Variants in SNTG1 observed in about 807,000 individuals in gnomAD.
SNTG1 encodes the protein gamma-1-syntrophin.
In SNTG1, 39 loss-of-function variants were observed where a neutral mutation model predicts 74.7. The ratio of observed to expected loss-of-function variants is 0.52; its 90% confidence interval spans 0.40 to 0.68. The LOEUF (loss-of-function observed/expected upper bound fraction) is 0.68, where lower values mean the gene tolerates loss of function less well. SNTG1 is among the 30% of genes least tolerant of loss of function. The pLI is 0.00. For missense variants in SNTG1, 685 were observed against 609.5 expected (o/e 1.12, Z -1.30); for synonymous variants, 254 against 217.1 (o/e 1.17, Z -1.49).
chr8:50,426,295 A>G (rs879894431), intron 4 of SNTG1, among the ~76,000 whole-genome samples: 3 of 152,174 alleles, frequency 2.0e-5, no homozygotes, highest in Non-Finnish European at 4.4e-5. Flanking sequence ...TTCAGCAATA[A>G]TGATATTTGG....
At chr8:50,553,742 A>G (rs2094440194) in intron 12 of SNTG1, among the ~76,000 whole-genome samples, 1 of 152,082 alleles carries the variant, frequency 6.6e-6, no homozygotes, top group East Asian at 1.9e-4. Context: ...CTATCTTCTC[A>G]TTATTTTAAC....
At chr8:50,623,887 T>A (rs2094939771) in intron 13 of SNTG1, among the ~76,000 whole-genome samples, 1 of 151,802 alleles carries the variant, frequency 6.6e-6, no homozygotes, top group Admixed American at 6.6e-5. Flanking sequence ...TCTCTTTTTT[T>A]AAACTCTTAA....
At chr8:50,483,455 G>T (rs1221880375) in intron 8 of SNTG1, among the ~76,000 whole-genome samples, 3 of 151,868 alleles carry the variant, frequency 2.0e-5, no homozygotes, top group Admixed American at 6.6e-5. Flanking sequence ...TCTCTTGGTG[G>T]TACAGCTGTG....
intron 2 of SNTG1, among the ~76,000 whole-genome samples, chr8:50,301,033 A>G (rs1378672680): frequency 6.6e-6 from 1 of 152,134 alleles, no homozygotes; most frequent in Admixed American, 6.6e-5. Context: ...AAGCCTGTGT[A>G]GAATTATCTA....
intron 2 of SNTG1, among the ~76,000 whole-genome samples, chr8:50,368,840 C>T (rs1179022169): frequency 6.6e-6 from 1 of 152,136 alleles, no homozygotes; most frequent in Non-Finnish European, 1.5e-5. Flanking sequence ...TCATCACTTC[C>T]TTTTTTAATT....
At chr8:50,477,425 A>C (rs1359210032) in intron 8 of SNTG1, among the ~76,000 whole-genome samples, 2 of 152,184 alleles carry the variant, frequency 1.3e-5, no homozygotes, top group Non-Finnish European at 2.9e-5. Context: ...AAAATCAGAA[A>C]AAAATACAAT....
chr8:49,913,079 AT>A (rs1409026406), intron 1 of SNTG1, among the ~76,000 whole-genome samples: 1 of 152,242 alleles, frequency 6.6e-6, no homozygotes, highest in Non-Finnish European at 1.5e-5. Context: ...AGTGACCTTG[AT>A]AAGCATTCTG....
At chr8:49,952,522 AAGATGCTAGCAT>A (rs1251924238) in intron 1 of SNTG1, among the ~76,000 whole-genome samples, 1 of 152,190 alleles carries the variant, frequency 6.6e-6, no homozygotes, top group Non-Finnish European at 1.5e-5. Context: ...AGGAATGAAG[AAGATGCTAGCAT>A]AGAATAGGTT....
At chr8:50,504,110 T>C (rs1358813122) in intron 9 of SNTG1, among the ~76,000 whole-genome samples, 1 of 152,166 alleles carries the variant, frequency 6.6e-6, no homozygotes, top group Non-Finnish European at 1.5e-5. Context: ...TCTGTTCCTG[T>C]GTTAGTTTGC....
chr8:50,304,879 C>G, intron 2 of SNTG1, among the ~76,000 whole-genome samples: 1 of 152,002 alleles, frequency 6.6e-6, no homozygotes, highest in Non-Finnish European at 1.5e-5. Flanking sequence ...GAGTTGCTCA[C>G]AGGAACTTTT....
intron 8 of SNTG1, among the ~76,000 whole-genome samples, chr8:50,474,283 C>T (rs2093677420): frequency 6.6e-6 from 1 of 151,694 alleles, no homozygotes; most frequent in Non-Finnish European, 1.5e-5. Context: ...TCAGAGTGAA[C>T]AGGCAACCTA....
intron 13 of SNTG1, among the ~76,000 whole-genome samples, chr8:50,640,316 A>C (rs2095064679): frequency 6.6e-6 from 1 of 152,126 alleles, no homozygotes; most frequent in Non-Finnish European, 1.5e-5. Context: ...TTATAATAAC[A>C]AGGTCAGTCA....
intron 2 of SNTG1, among the ~76,000 whole-genome samples, chr8:50,222,732 T>A (rs2085133155): frequency 6.6e-6 from 1 of 152,124 alleles, no homozygotes; most frequent in Admixed American, 6.6e-5. Context: ...AGACAGACCC[T>A]CAGCGGGGAT....
intron 12 of SNTG1, among the ~76,000 whole-genome samples, chr8:50,567,065 TAATA>T (rs2094520162): frequency 1.3e-5 from 2 of 152,090 alleles, no homozygotes; most frequent in Non-Finnish European, 2.9e-5. Flanking sequence ...GTTGATGGAA[TAATA>T]GTCTTTGGGA....
At chr8:50,210,174 G>A (rs915277082) in intron 2 of SNTG1, among the ~76,000 whole-genome samples, 3 of 152,034 alleles carry the variant, frequency 2.0e-5, no homozygotes, top group Non-Finnish European at 4.4e-5. Flanking sequence ...GAGAAGTTTA[G>A]AGAAAAAAGA....
intron 1 of SNTG1, among the ~76,000 whole-genome samples, chr8:50,101,374 T>C (rs1448321993): frequency 1.3e-5 from 2 of 152,128 alleles, no homozygotes; most frequent in African/African-American, 4.8e-5. Context: ...CCACAGAGGC[T>C]GAACTAATTT....
chr8:50,065,747 A>G (rs1820846366), intron 1 of SNTG1, among the ~76,000 whole-genome samples: 1 of 152,206 alleles, frequency 6.6e-6, no homozygotes, highest in Non-Finnish European at 1.5e-5. Context: ...TATGCTGTTT[A>G]ACCAATATGG....
At chr8:49,913,574 C>G (rs1371412313) in intron 1 of SNTG1, among the ~76,000 whole-genome samples, 1 of 152,190 alleles carries the variant, frequency 6.6e-6, no homozygotes, top group Non-Finnish European at 1.5e-5. Flanking sequence ...ATCTATGTCA[C>G]TGAGCTCCTT....
intron 1 of SNTG1, among the ~76,000 whole-genome samples, chr8:49,955,931 G>A (rs529545264): frequency 3.7e-4 from 57 of 152,224 alleles, no homozygotes; most frequent in Admixed American, 1.4e-3. Flanking sequence ...AATAATTCTA[G>A]GACCCAAGTA....
Sources: gnomAD v4.1 joint callset for allele counts (sites outside exome capture counted in the v4.1 genomes callset) on GRCh38, gnomAD v4.1.1 for gene constraint, MANE v1.5 for transcripts, NCBI Gene and HGNC (gene_info 2026-07-23, HGNC 2026-07-21) for gene names.